The following RTN4 variants were observed in gnomAD, a reference collection of about 807,000 sequenced individuals.
The protein encoded by RTN4 is reticulon 4.
RTN4 carries 32 observed loss-of-function variants against 90.4 expected under a neutral mutation model. The ratio of observed to expected loss-of-function variants is 0.35; its 90% CI spans 0.27 to 0.48. The LOEUF (loss-of-function observed/expected upper bound fraction) is 0.48. Among genes scored for constraint, RTN4 ranks in the 20% least tolerant of loss-of-function variants. The pLI, the probability that RTN4 is intolerant of heterozygous loss-of-function variation, is 0.99. For synonymous variants in RTN4, 629 were observed against 552.5 expected (o/e 1.14, Z -1.94); for missense variants, 1,706 against 1,430.2 (o/e 1.19, Z -3.11).
At chr2:55,076,215 G>A (rs563287261) in intron 2 of RTN4, among the ~76,000 whole-genome samples, 2 of 151,982 alleles carry the variant, frequency 1.3e-5, no homozygotes, top group Admixed American at 1.3e-4. Context: ...GAATCTACAA[G>A]GAACACAAAC....
the RTN4 span, among the ~76,000 whole-genome samples, chr2:55,131,876 TCC>T: frequency 2.6e-5 from 4 of 152,082 alleles, no homozygotes; most frequent in Non-Finnish European, 5.9e-5. Flanking sequence ...AGAGCGAGAC[TCC>T]ATTTCAAAAA....
intron 1 of RTN4, among the ~76,000 whole-genome samples, chr2:55,105,460 T>C (rs1321847507): frequency 2.0e-5 from 3 of 151,900 alleles, no homozygotes; most frequent in Non-Finnish European, 2.9e-5. Context: ...AAACTCCTGA[T>C]CTCAAGTGAT....
intron 3 of RTN4, among the ~76,000 whole-genome samples, chr2:55,003,525 A>G (rs372836878): frequency 3.9e-5 from 6 of 152,210 alleles, no homozygotes; most frequent in African/African-American, 1.2e-4. Flanking sequence ...GAGCAGATAA[A>G]TAAGTATAAA....
intron 5 of RTN4, among the ~76,000 whole-genome samples, chr2:54,981,900 C>T (rs1468435941): frequency 6.6e-6 from 1 of 151,532 alleles, no homozygotes; most frequent in Non-Finnish European, 1.5e-5. Flanking sequence ...GTCAAAATTC[C>T]GATTAATTTC....
intron 3 of RTN4, among the ~76,000 whole-genome samples, chr2:55,015,500 G>T (rs1438026826): frequency 1.3e-5 from 2 of 152,114 alleles, no homozygotes; most frequent in Non-Finnish European, 2.9e-5. Flanking sequence ...TCCTTTATAT[G>T]TAAAGAACTC....
chr2:55,075,885 C>T (rs1389807942), intron 2 of RTN4, among the ~76,000 whole-genome samples: 11 of 152,114 alleles, frequency 7.2e-5, no homozygotes, highest in Admixed American at 6.5e-4. Context: ...TGGCAAGCCG[C>T]ATGTAAAAGA....
At chr2:55,128,806 A>T in the RTN4 span, among the ~76,000 whole-genome samples, 1 of 152,064 alleles carries the variant, frequency 6.6e-6, no homozygotes, top group Non-Finnish European at 1.5e-5. Flanking sequence ...AAAGAAAAAA[A>T]AAAAGGGGTG....
chr2:55,097,255 T>C (rs917931508), intron 1 of RTN4, among the ~76,000 whole-genome samples: 1 of 150,586 alleles, frequency 6.6e-6, no homozygotes, highest in African/African-American at 2.5e-5. Flanking sequence ...TGAGCCCTGA[T>C]TGTGCCACTG....
At chr2:55,096,156 G>A (rs886551605) in intron 1 of RTN4, among the ~76,000 whole-genome samples, 18 of 152,014 alleles carry the variant, frequency 1.2e-4, no homozygotes, top group Admixed American at 2.0e-4. Flanking sequence ...GAGAAACCCC[G>A]TCTCTACTAA....
At chr2:54,980,059 T>C (rs1279748364) in intron 5 of RTN4, among the ~76,000 whole-genome samples, 1 of 152,238 alleles carries the variant, frequency 6.6e-6, no homozygotes, top group Non-Finnish European at 1.5e-5. Context: ...CATCATGTGT[T>C]ACTTTCTGTT....
intron 3 of RTN4, chr2:55,010,257 CAACT>C (rs1239402071): frequency 6.5e-7 from 1 of 1,527,338 alleles, no homozygotes; most frequent in Non-Finnish European, 8.7e-7. Flanking sequence ...CTCTGCTGCA[CAACT>C]GCAGCAGGAC....
chr2:55,013,629 G>C (rs1000458529), intron 3 of RTN4, among the ~76,000 whole-genome samples: 10 of 127,962 alleles, frequency 7.8e-5, no homozygotes, highest in Non-Finnish European at 1.7e-4. Flanking sequence ...GAGGGTGTAG[G>C]GGGGGTGGTA....
chr2:55,128,808 A>T, the RTN4 span, among the ~76,000 whole-genome samples: 1 of 152,044 alleles, frequency 6.6e-6, no homozygotes, highest in Admixed American at 6.6e-5. Context: ...AGAAAAAAAA[A>T]AAGGGGTGGG....
intron 3 of RTN4, among the ~76,000 whole-genome samples, chr2:54,989,573 CACTT>C (rs942018346): frequency 6.6e-6 from 1 of 152,156 alleles, no homozygotes; most frequent in Non-Finnish European, 1.5e-5. Flanking sequence ...AATCAGCAAA[CACTT>C]AATGAGGTGA....
Position 55,025,368 on chromosome 2 carries a change from G to A in RTN4, c.2731C>T (p.Pro911Ser), listed in dbSNP as rs1179560501. The A allele has an allele frequency of 1.2e-6, 2 of 1,613,892 alleles. No homozygotes were observed. Among genetic ancestry groups the A allele is most frequent in the South Asian group, 1.1e-5 (1 of 91,076 alleles). ...ANAPDGAGSL[P>S]CTELPHDLSL... ...AGGTCATGGGGCAATTCTGTGCAAG[G>A]CAATGACCCAGCTCCATCCGGGGCA... Residue 911 changes from proline (P) to serine (S), a missense_variant, in exon 3 of 9, where the codon CCT (proline) becomes TCT (serine). Physicochemically the swap from Pro to Ser is moderately conservative, Grantham distance 74 (BLOSUM62 -1). Coordinates refer to ENST00000337526, the MANE Select transcript of RTN4 (RefSeq NM_020532.5).
At chr2:55,121,933 TAAC>T in the RTN4 span, among the ~76,000 whole-genome samples, 1 of 152,146 alleles carries the variant, frequency 6.6e-6, no homozygotes, top group Non-Finnish European at 1.5e-5. Flanking sequence ...CTAGAGTACA[TAAC>T]AAAATTTTAG....
chr2:54,974,104 C>T (rs537369880), intron 6 of RTN4: 1 of 439,928 alleles, frequency 2.3e-6, no homozygotes, highest in East Asian at 4.2e-5. Context: ...CAAATCATAT[C>T]ACAGTGAGAT....
At chr2:55,088,552 T>C (rs1668883213) in intron 1 of RTN4, among the ~76,000 whole-genome samples, 1 of 152,238 alleles carries the variant, frequency 6.6e-6, no homozygotes, top group Admixed American at 6.5e-5. Context: ...CATACAGATG[T>C]ATTCATATGA....
At chr2:55,100,363 G>A (rs1667830693) in intron 1 of RTN4, among the ~76,000 whole-genome samples, 1 of 152,084 alleles carries the variant, frequency 6.6e-6, no homozygotes. Context: ...TAATCAAACT[G>A]GTAGAATTAC....
Sources: allele counts gnomAD v4.1 joint callset (sites outside exome capture counted in the v4.1 genomes callset), GRCh38; gene constraint gnomAD v4.1.1; transcripts MANE v1.5; gene names NCBI Gene and HGNC (gene_info 2026-07-23, HGNC 2026-07-21).